The following CRYL1 variants were observed in gnomAD, a reference collection of about 807,000 sequenced individuals.
CRYL1 encodes crystallin lambda 1.
A neutral mutation model predicts 36.6 loss-of-function variants in CRYL1; 29 were observed. The ratio of observed to expected loss-of-function variants is 0.79; its 90% CI spans 0.59 to 1.08. The LOEUF (loss-of-function observed/expected upper bound fraction) is 1.08. Ranked by LOEUF, CRYL1 falls within the 50% of genes least tolerant of loss-of-function variation. The probability of loss-of-function intolerance (pLI) is 0.00; values close to 1 mark genes in which losing one functional copy is unlikely to be tolerated. For missense variants in CRYL1, 411 were observed against 407.9 expected, an observed-to-expected ratio of 1.01 and a Z score of -0.06; for synonymous variants, 152 against 151.5, an observed-to-expected ratio of 1.00 and a Z score of -0.02.
At chr13:20,439,443 T>C in intron 4 of CRYL1, 150 bp downstream of exon 4, 1 of 650,780 alleles carries the variant, frequency 1.5e-6, no homozygotes, top group South Asian at 2.3e-5. Context: ...ATTGTGTAAG[T>C]GAATTATATC....
chr13:20,449,164 A>G (rs925967371), intron 3 of CRYL1, among the ~76,000 whole-genome samples: 1 of 152,196 alleles, frequency 6.6e-6, no homozygotes, highest in African/African-American at 2.4e-5. Flanking sequence ...TGAGACTCAC[A>G]CTAGAAATGA....
chr13:20,413,874 A>G (rs1228583173), intron 5 of CRYL1, among the ~76,000 whole-genome samples: 2 of 152,254 alleles, frequency 1.3e-5, no homozygotes, highest in East Asian at 3.9e-4. Flanking sequence ...AAACTATAAT[A>G]TTATCATATG....
intron 5 of CRYL1, chr13:20,426,952 G>A (rs1593436389): frequency 3.0e-6 from 3 of 985,480 alleles, no homozygotes; most frequent in African/African-American, 1.7e-5. Flanking sequence ...CAGAACCCAA[G>A]GTCAGCAATT....
intron 3 of CRYL1, among the ~76,000 whole-genome samples, chr13:20,464,027 C>T (rs866934632): frequency 6.6e-6 from 1 of 152,044 alleles, no homozygotes; most frequent in Non-Finnish European, 1.5e-5. Flanking sequence ...TTCCTGTTAA[C>T]CGACATTAAA....
In CRYL1 at chr13:20,432,315, G is replaced by C; in HGVS notation, c.439-19C>G. 6.3e-7 allele frequency: 1 copy of C among 1,581,206 alleles called. No individual in the cohort carries two copies. The highest frequency in any genetic ancestry group is 2.3e-5 in the East Asian group (1 of 44,322). On this transcript the variant is annotated intron_variant, in intron 4 of 7. Transcript: ENST00000298248. ...GATTCACCTTAGGAGAGAGAGAGAA[G>C]TGGGGGAGTCAAGGAGATGATCCTG... is the stretch of plus-strand genomic sequence containing the variant.
intron 5 of CRYL1, among the ~76,000 whole-genome samples, chr13:20,430,075 C>G (rs1032843927): frequency 6.6e-6 from 1 of 152,134 alleles, no homozygotes; most frequent in African/African-American, 2.4e-5. Context: ...TGGAAGTCAT[C>G]GCTGTGGGGC....
At chr13:20,438,264 T>C (rs1315083175) in intron 4 of CRYL1, among the ~76,000 whole-genome samples, 1 of 152,206 alleles carries the variant, frequency 6.6e-6, no homozygotes, top group East Asian at 1.9e-4. Flanking sequence ...CTCCACATTC[T>C]AAATGGCTCT....
intron 3 of CRYL1, among the ~76,000 whole-genome samples, chr13:20,465,498 A>G (rs4770037): frequency 0.96 from 146,353 of 152,260 alleles, 70,588 homozygotes; most frequent in East Asian, 1. Context: ...CACTTTCTCC[A>G]CTATGGAAGG....
intron 1 of CRYL1, 74 bp from the exon 2 acceptor site, chr13:20,512,624 GT>G (rs966358902): frequency 2.9e-5 from 32 of 1,101,826 alleles, no homozygotes; most frequent in Non-Finnish European, 4.0e-5. Context: ...CCCAGAATGA[GT>G]TTTTTTTAAA....
At chr13:20,427,551 C>T (rs968341590) in intron 5 of CRYL1, among the ~76,000 whole-genome samples, 1 of 152,126 alleles carries the variant, frequency 6.6e-6, no homozygotes, top group Non-Finnish European at 1.5e-5. Context: ...AGAAATGGCA[C>T]TGGCAGCGTG....
At chr13:20,410,456 C>T (rs1056106029) in intron 6 of CRYL1, among the ~76,000 whole-genome samples, 21 of 150,538 alleles carry the variant, frequency 1.4e-4, no homozygotes, top group Admixed American at 8.6e-4. Context: ...GTGGGTGCAG[C>T]GCACCAGCAT....
chr13:20,492,846 C>A (rs763838281), intron 2 of CRYL1, among the ~76,000 whole-genome samples: 2 of 152,150 alleles, frequency 1.3e-5, no homozygotes, highest in African/African-American at 2.4e-5. Flanking sequence ...GGGGGTGCTA[C>A]CAACCAAGGA....
intron 1 of CRYL1, among the ~76,000 whole-genome samples, chr13:20,514,225 G>A (rs1284226134): frequency 6.6e-6 from 1 of 152,196 alleles, no homozygotes; most frequent in African/African-American, 2.4e-5. Flanking sequence ...GGGTCACCAC[G>A]CAGTGGAGAA....
chr13:20,525,381 C>G lies in CRYL1; in HGVS notation c.41+373G>C, dbSNP rs1028153875. Among the ~76,000 whole-genome samples, 9 of 152,210 alleles carry G rather than the reference C, an allele frequency of 5.9e-5. No individual in the cohort carries two copies. Among genetic ancestry groups the G allele is most frequent in the African/African-American group, 2.2e-4 (9 of 41,446 alleles). ...AACACAGTCGTCGCAGGATCGCAGC[C>G]AGAATTCGTTTCATTCAACACGGTG... is the stretch of plus-strand genomic sequence containing the variant. On this transcript the variant is annotated intron_variant, in intron 1 of 7. Coordinates refer to ENST00000298248, the MANE Select transcript of CRYL1 (RefSeq NM_015974.3). This position sits in a 1 kb window ranked among gnomAD's most constrained non-coding sequence, Gnocchi z 4.3.
intron 2 of CRYL1, among the ~76,000 whole-genome samples, chr13:20,502,720 G>A (rs576816364): frequency 6.6e-6 from 1 of 152,336 alleles, no homozygotes; most frequent in Non-Finnish European, 1.5e-5. Flanking sequence ...TGGGTAGCAG[G>A]GAGACAGACA....
chr13:20,422,853 C>T (rs1244315989), intron 5 of CRYL1, among the ~76,000 whole-genome samples: 1 of 152,162 alleles, frequency 6.6e-6, no homozygotes, highest in Non-Finnish European at 1.5e-5. Flanking sequence ...AGGGATTGCA[C>T]TGAATCTGTA....
chr13:20,431,297 G>A lies in CRYL1; in HGVS notation c.633+805C>T, dbSNP rs557457755. 1.5e-5 allele frequency: 15 copies of A among 985,424 alleles called. No individual in the cohort carries two copies. In the East Asian group the frequency reaches 4.5e-4, roughly 30 times the overall value. The allele number at this position is 985,424 out of a possible 1,614,324, so 61.0% of individuals were successfully genotyped here. On this transcript the variant is annotated intron_variant, in intron 5 of 7. Coordinates refer to ENST00000298248, the MANE Select transcript of CRYL1 (RefSeq NM_015974.3). ...AGCCAGGTGCAGATGACTCGAGCCCGAGCAGCGTCCTCCCTACGCGGTGCA... is the reference window on the plus strand; with the variant it reads ...AGCCAGGTGCAGATGACTCGAGCCCAAGCAGCGTCCTCCCTACGCGGTGCA...
At chr13:20,447,029 A>G (rs902645756) in intron 3 of CRYL1, among the ~76,000 whole-genome samples, 4 of 152,244 alleles carry the variant, frequency 2.6e-5, no homozygotes, top group African/African-American at 9.6e-5. Context: ...GTTCTAGTCC[A>G]TGCTGCAACA....
intron 6 of CRYL1, 96 bp from the exon 7 acceptor site, chr13:20,404,837 G>T (rs555716908): frequency 4.7e-6 from 4 of 848,484 alleles, no homozygotes; most frequent in Middle Eastern, 2.9e-4. Context: ...TTCACCCTGG[G>T]GTCAGATAAG....
Sources: gnomAD v4.1 joint callset for allele counts (sites outside exome capture counted in the v4.1 genomes callset) on GRCh38, gnomAD v4.1.1 for gene constraint, Gnocchi (gnomAD v3.1) non-coding constraint, MANE v1.5 for transcripts, NCBI Gene and HGNC (gene_info 2026-07-23, HGNC 2026-07-21) for gene names.